The following FOXP1 variants were observed in gnomAD, a reference collection of about 807,000 sequenced individuals.
The protein encoded by FOXP1 is forkhead box P1, also known as forkhead box protein P1.
In FOXP1, 15 loss-of-function variants were observed where a neutral mutation model predicts 98.2. The observed-to-expected ratio is 0.15, with a 90% CI of 0.10 to 0.24. The LOEUF is 0.24. Among genes scored for constraint, FOXP1 ranks in the 10% least tolerant of loss-of-function variants. The probability of loss-of-function intolerance (pLI) is 1.00; values close to 1 mark genes in which losing one functional copy is unlikely to be tolerated. For synonymous variants in FOXP1, 371 were observed against 314.5 expected (o/e 1.18, Z -1.90); for missense variants, 633 against 848.5 (o/e 0.75, Z 3.15).
At chr3:71,318,366 A>G (rs1392093657) in intron 4 of FOXP1, among the ~76,000 whole-genome samples, 4 of 152,224 alleles carry the variant, frequency 2.6e-5, no homozygotes, top group Non-Finnish European at 5.9e-5. Flanking sequence ...CCCTGAATAA[A>G]CGAAAATAAC....
At chr3:71,379,416 T>G (rs1292822718) in intron 3 of FOXP1, among the ~76,000 whole-genome samples, 6 of 152,108 alleles carry the variant, frequency 3.9e-5, no homozygotes, top group African/African-American at 1.4e-4. Context: ...CTAACACATG[T>G]TAAAGTCCAT....
At chr3:71,376,507 G>T (rs2079723789) in intron 3 of FOXP1, among the ~76,000 whole-genome samples, 1 of 152,328 alleles carries the variant, frequency 6.6e-6, no homozygotes, top group Admixed American at 6.5e-5. Flanking sequence ...AATCACCGAA[G>T]ATGAGAACAA....
At position 71,330,459 on chromosome 3, in the gene FOXP1, C is replaced by T. The variant is rs540455665; in HGVS notation, c.-73+28691G>A. On this transcript the variant is annotated intron_variant, in intron 4 of 20. Coordinates refer to ENST00000649528, the MANE Select transcript of FOXP1 (RefSeq NM_001349338.3). ...CCACACATTTGAGTTTGAAATGCAT[C>T]GATATTGACCATAGGAATGAACAAA... Among the ~76,000 whole-genome samples the T allele has an allele frequency of 5.5e-4, 83 of 152,212 alleles. 1 individual carries two copies. The highest frequency in any genetic ancestry group is 7.4e-4 in the Non-Finnish European group (50 of 68,010).
chr3:71,541,526 T>C (rs1281149246), intron 2 of FOXP1, among the ~76,000 whole-genome samples: 1 of 152,200 alleles, frequency 6.6e-6, no homozygotes, highest in Non-Finnish European at 1.5e-5. Flanking sequence ...CATACTTCCA[T>C]CTGGCTCTTC....
chr3:71,113,540 C>A (rs2058107771), intron 6 of FOXP1, among the ~76,000 whole-genome samples: 1 of 151,948 alleles, frequency 6.6e-6, no homozygotes, highest in Non-Finnish European at 1.5e-5. Context: ...TGGTGAAACC[C>A]TGTCTCTACT....
At chr3:71,442,321 A>C (rs553379672) in intron 3 of FOXP1, among the ~76,000 whole-genome samples, 5 of 152,068 alleles carry the variant, frequency 3.3e-5, no homozygotes, top group East Asian at 1.9e-4. Flanking sequence ...TAGGTTTTGC[A>C]TATTACAACA....
chr3:71,452,358 T>C (rs2087034743), intron 3 of FOXP1, among the ~76,000 whole-genome samples: 1 of 152,172 alleles, frequency 6.6e-6, no homozygotes, highest in Admixed American at 6.5e-5. Context: ...ATTTATTCTG[T>C]TGCAGCTATG....
chr3:71,317,391 G>A (rs2075138345), intron 4 of FOXP1, among the ~76,000 whole-genome samples: 1 of 152,106 alleles, frequency 6.6e-6, no homozygotes, highest in Non-Finnish European at 1.5e-5. Context: ...CATATTAAAT[G>A]GGAATTCGCA....
chr3:71,350,392 C>T (rs773928111), intron 4 of FOXP1, among the ~76,000 whole-genome samples: 2 of 152,170 alleles, frequency 1.3e-5, no homozygotes, highest in Non-Finnish European at 2.9e-5. Flanking sequence ...CCAATCAAAA[C>T]GCACAATACA....
chr3:71,532,592 A>T (rs941145817), intron 2 of FOXP1, among the ~76,000 whole-genome samples: 1 of 152,172 alleles, frequency 6.6e-6, no homozygotes, highest in East Asian at 1.9e-4. Flanking sequence ...GGAAATTTTT[A>T]AAATAACTTA....
chr3:71,439,023 C>T (rs982183396), intron 3 of FOXP1, among the ~76,000 whole-genome samples: 5 of 152,198 alleles, frequency 3.3e-5, no homozygotes, highest in African/African-American at 1.2e-4. Flanking sequence ...GGAAGGAAGA[C>T]ACCAGCTCGC....
At chr3:71,392,098 G>A (rs140864418) in intron 3 of FOXP1, among the ~76,000 whole-genome samples, 28 of 152,202 alleles carry the variant, frequency 1.8e-4, no homozygotes, top group Admixed American at 3.3e-4. Flanking sequence ...CAAAATTATC[G>A]TTGGGTTATG....
At chr3:71,455,947 A>G (rs1026883919) in intron 3 of FOXP1, among the ~76,000 whole-genome samples, 3 of 152,198 alleles carry the variant, frequency 2.0e-5, no homozygotes, top group Admixed American at 6.5e-5. Flanking sequence ...TGTGCAATTA[A>G]GTTATTAAAA....
At chr3:71,195,488 T>C (rs1325578851) in intron 6 of FOXP1, among the ~76,000 whole-genome samples, 1 of 152,224 alleles carries the variant, frequency 6.6e-6, no homozygotes, top group Admixed American at 6.5e-5. Context: ...AACTCGTTTT[T>C]ATACCAGGCC....
chr3:71,066,492 C>T (rs891599804), intron 7 of FOXP1, among the ~76,000 whole-genome samples: 5 of 152,100 alleles, frequency 3.3e-5, no homozygotes, highest in African/African-American at 1.2e-4. Flanking sequence ...GGTAGAAGGA[C>T]CTTAAATCTG....
At chr3:71,300,170 G>A (rs1161362437) in intron 4 of FOXP1, among the ~76,000 whole-genome samples, 1 of 152,196 alleles carries the variant, frequency 6.6e-6, no homozygotes, top group Non-Finnish European at 1.5e-5. Flanking sequence ...TTTTCATGGA[G>A]AATAATATGT....
chr3:70,954,739 T>C lies in FOXP1; in HGVS notation c.*4508A>G. 4.4e-6 allele frequency: 1 copy of C among 227,862 alleles called. No individual in the cohort carries two copies. Among genetic ancestry groups the C allele is most frequent in the East Asian group, 6.3e-5 (1 of 15,906 alleles). The allele number at this position is 227,862 out of a possible 1,614,324, so 14.1% of individuals were successfully genotyped here. ...TACCAGCGTGAACAACCAGCATTTT[T>C]ATTGCATTTGAGAATGCTTATAATG... On this transcript the variant is annotated 3_prime_UTR_variant, in exon 21 of 21. Coordinates refer to ENST00000649528, the MANE Select transcript of FOXP1 (RefSeq NM_001349338.3).
chr3:71,494,136 G>A (rs1324806196), intron 2 of FOXP1, among the ~76,000 whole-genome samples: 2 of 152,092 alleles, frequency 1.3e-5, no homozygotes, highest in Non-Finnish European at 2.9e-5. Context: ...CATACGGTGC[G>A]ATGGTCAGGG....
At chr3:71,454,713 C>T (rs1024600175) in intron 3 of FOXP1, among the ~76,000 whole-genome samples, 1 of 151,690 alleles carries the variant, frequency 6.6e-6, no homozygotes, top group South Asian at 2.1e-4. Context: ...GAGATGGTAG[C>T]GAAAGTTCCC....
Sources: allele counts gnomAD v4.1 joint callset (sites outside exome capture counted in the v4.1 genomes callset), GRCh38; gene constraint gnomAD v4.1.1; transcripts MANE v1.5; gene names NCBI Gene and HGNC (gene_info 2026-07-23, HGNC 2026-07-21).